ARHGAP23: variants seen among roughly 807,000 people sequenced by gnomAD.
ARHGAP23 encodes Rho GTPase activating protein 23, also known as rho GTPase-activating protein 23.
ARHGAP23 carries 34 observed loss-of-function variants against 136.3 expected under a neutral mutation model. The ratio of observed to expected loss-of-function variants is 0.25; its 90% CI spans 0.19 to 0.33. ARHGAP23 has a LOEUF of 0.33. ARHGAP23 is among the 10% of genes least tolerant of loss of function. ARHGAP23 has a pLI of 1.00. For missense variants in ARHGAP23, 1,808 were observed against 2,139.0 expected (o/e 0.85, Z 3.05); for synonymous variants, 832 against 920.5 (o/e 0.90, Z 1.74).
In ARHGAP23 at chr17:38,479,807, G is replaced by A. The variant is rs1318943768; in HGVS notation, c.2553G>A (p.Gly851=). 12 of 1,526,796 alleles carry A rather than the reference G, an allele frequency of 7.9e-6. No homozygotes were observed. The highest frequency in any genetic ancestry group is 1.4e-5 in the African/African-American group (1 of 72,018). 94.6% of individuals were successfully genotyped at this position (1,526,796 alleles called of 1,614,324 possible). The change falls in exon 14 of 24, where the codon GGG becomes GGA. Residue 851 remains glycine (G), a synonymous_variant. Transcript: ENST00000622683. Reference sequence around the variant, plus strand: ...CCCCCAAAGGCTCTCGCGGCCTGGGGGGCCTCAAGTCTGAGTTCCTCAAGC... The same window carrying A: ...CCCCCAAAGGCTCTCGCGGCCTGGGAGGCCTCAAGTCTGAGTTCCTCAAGC... ...DSSPKGSRGL[G]GLKSEFLKQS...
intron 11 of ARHGAP23, among the ~76,000 whole-genome samples, chr17:38,472,688 G>T (rs1353778094): frequency 1.3e-5 from 2 of 152,198 alleles, no homozygotes; most frequent in Non-Finnish European, 2.9e-5. Context: ...GGCTGGAGAA[G>T]TGGGAGGAGA....
chr17:38,495,235 T>TCC (rs2040366611), intron 20 of ARHGAP23, among the ~76,000 whole-genome samples: 1 of 143,598 alleles, frequency 7.0e-6, no homozygotes, highest in Non-Finnish European at 1.5e-5. Context: ...TTTCTTTTTT[T>TCC]TTTTTTTTTT....
intron 1 of ARHGAP23, among the ~76,000 whole-genome samples, chr17:38,453,283 G>T (rs1597773993): frequency 1.3e-5 from 2 of 152,070 alleles, no homozygotes; most frequent in South Asian, 4.2e-4. Flanking sequence ...TCCACATAGG[G>T]TGAGTGTGTG....
At chr17:38,484,537 G>T (rs1362274102) in intron 16 of ARHGAP23, among the ~76,000 whole-genome samples, 1 of 152,164 alleles carries the variant, frequency 6.6e-6, no homozygotes, top group Non-Finnish European at 1.5e-5. Flanking sequence ...AGAAGGAGAG[G>T]GCCGCCAGTG....
At chr17:38,428,738 C>G (rs919513966) in intron 1 of ARHGAP23, among the ~76,000 whole-genome samples, 190 bp downstream of exon 1, 1 of 152,100 alleles carries the variant, frequency 6.6e-6, no homozygotes, top group Non-Finnish European at 1.5e-5. Flanking sequence ...CAAGAGCTGT[C>G]CGGGGTAGAG....
intron 1 of ARHGAP23, among the ~76,000 whole-genome samples, chr17:38,448,806 C>T (rs1240604073): frequency 1.3e-5 from 2 of 150,968 alleles, no homozygotes; most frequent in Non-Finnish European, 2.9e-5. Context: ...CCACCATCCC[C>T]GATTAATTTT....
intron 1 of ARHGAP23, chr17:38,450,982 G>A (rs1372638871): frequency 2.6e-5 from 4 of 152,334 alleles, no homozygotes; most frequent in Non-Finnish European, 4.4e-5. Context: ...CTGATGCAGG[G>A]GGAGGAAGCT....
chr17:38,452,299 C>T (rs1396350268), intron 1 of ARHGAP23: 3 of 152,164 alleles, frequency 2.0e-5, no homozygotes, highest in Non-Finnish European at 4.4e-5. Context: ...CCCCCCAACC[C>T]CCTTGCTGGA....
At chr17:38,491,807 T>G (rs1261741132) in intron 20 of ARHGAP23, 5 of 475,250 alleles carry the variant, frequency 1.1e-5, no homozygotes, top group South Asian at 3.5e-5. Flanking sequence ...CTGGGAAAGG[T>G]AGAAGAGGAG....
rs1238390002 is a variant in ARHGAP23, at chr17:38,458,089, C to G, written c.64-13C>G. The G allele has an allele frequency of 7.8e-6, 12 of 1,535,976 alleles. No homozygotes were observed. Among genetic ancestry groups the G allele is most frequent in the Middle Eastern group, 1.7e-4 (1 of 5,902 alleles). ...CACACGGGCGCTCAGCCTGGCCTCT[C>G]TGTCTCCCACAGCTGCCACTGGGCC... is the stretch of plus-strand genomic sequence containing the variant. On this transcript the variant is annotated splice_polypyrimidine_tract_variant and intron_variant, in intron 1 of 23. Transcript: ENST00000622683.
chr17:38,478,193 G>C (rs1200181858), intron 12 of ARHGAP23, among the ~76,000 whole-genome samples: 1 of 152,182 alleles, frequency 6.6e-6, no homozygotes, highest in Non-Finnish European at 1.5e-5. Context: ...CCGGTGTGGA[G>C]TGGTCAGCTC....
At position 38,458,108 on chromosome 17, in the gene ARHGAP23, C is replaced by G; in HGVS notation, c.70C>G (p.Leu24Val). The change falls in exon 2 of 24, where the codon CTG becomes GTG. Residue 24 changes from leucine (L) to valine (V), a missense_variant. By Grantham distance (32) the Leu-to-Val change is conservative. Transcript: ENST00000622683. ...RPEPRPPQLP[L>V]GPRDGCSPRR... is the part of the protein sequence containing the mutation. The stretch of plus-strand genomic sequence containing the variant: ...GCCTCTCTGTCTCCCACAGCTGCCA[C>G]TGGGCCCAAGAGATGGGTGCTCTCC... 1 of 1,536,116 alleles carries G rather than the reference C, an allele frequency of 6.5e-7. No individual in the cohort carries two copies. Among genetic ancestry groups the G allele is most frequent in the African/African-American group, 1.4e-5 (1 of 73,172 alleles).
chr17:38,487,576 T>C (rs2040187074), intron 17 of ARHGAP23, among the ~76,000 whole-genome samples: 3 of 152,142 alleles, frequency 2.0e-5, no homozygotes, highest in Admixed American at 1.3e-4. Context: ...ACTATTATTG[T>C]TACTTGAAGG....
At chr17:38,444,297 C>T (rs2038982635) in intron 1 of ARHGAP23, among the ~76,000 whole-genome samples, 1 of 151,974 alleles carries the variant, frequency 6.6e-6, no homozygotes, top group African/African-American at 2.4e-5. Flanking sequence ...CTCTGCTGGC[C>T]ACGGGACCTG....
chr17:38,465,819 A>C (rs1209848973), intron 6 of ARHGAP23, among the ~76,000 whole-genome samples: 2 of 151,720 alleles, frequency 1.3e-5, no homozygotes, highest in Non-Finnish European at 2.9e-5. Context: ...AGCTTTGGGC[A>C]TTGGTGGACA....
At chr17:38,448,241 C>T (rs147329135) in intron 1 of ARHGAP23, among the ~76,000 whole-genome samples, 64 of 152,174 alleles carry the variant, frequency 4.2e-4, no homozygotes, top group African/African-American at 1.5e-3. Flanking sequence ...GGGGTGATGC[C>T]GGGAAGGATG....
At chr17:38,444,231 T>G (rs1347015395) in intron 1 of ARHGAP23, among the ~76,000 whole-genome samples, 1 of 152,072 alleles carries the variant, frequency 6.6e-6, no homozygotes, top group Non-Finnish European at 1.5e-5. Context: ...AGGACCCTTC[T>G]GCTCGCTCTG....
intron 11 of ARHGAP23, among the ~76,000 whole-genome samples, chr17:38,475,480 G>A (rs2039871791): frequency 6.6e-6 from 1 of 152,224 alleles, no homozygotes; most frequent in Non-Finnish European, 1.5e-5. Context: ...CCATCCAGCA[G>A]TTCTGTGATG....
intron 1 of ARHGAP23, among the ~76,000 whole-genome samples, chr17:38,448,875 T>TTTTTTTG (rs2039094772): frequency 2.7e-5 from 4 of 149,214 alleles, no homozygotes; most frequent in Admixed American, 6.7e-5. Context: ...TTTTTTTTTT[T>TTTTTTTG]GAGACCGGGT....
Sources: allele counts gnomAD v4.1 joint callset (sites outside exome capture counted in the v4.1 genomes callset), GRCh38; gene constraint gnomAD v4.1.1; transcripts MANE v1.5; gene names NCBI Gene and HGNC (gene_info 2026-07-23, HGNC 2026-07-21).